The following CNBD1 variants were observed in gnomAD, a reference collection of about 807,000 sequenced individuals.
CNBD1 encodes the protein cyclic nucleotide-binding domain-containing protein 1.
Under a neutral mutation model 54.4 loss-of-function variants are expected in CNBD1, and 71 were observed. The observed-to-expected ratio is 1.30, with a 90% CI of 1.08 to 1.59. The LOEUF is 1.59. Among genes scored for constraint, CNBD1 ranks in the 40% most tolerant of loss-of-function variants. CNBD1 has a pLI of 0.00. For missense variants in CNBD1, 659 were observed against 518.0 expected, an observed-to-expected ratio of 1.27 and a Z score of -2.64; for synonymous variants, 182 against 170.7, an observed-to-expected ratio of 1.07 and a Z score of -0.51.
intron 2 of CNBD1, among the ~76,000 whole-genome samples, chr8:86,904,683 A>T (rs1808989466): frequency 6.6e-6 from 1 of 152,108 alleles, no homozygotes; most frequent in Admixed American, 6.6e-5. Flanking sequence ...ACTGCCTGCG[A>T]TTTTAACACA....
chr8:87,004,813 C>G (rs1027937393), intron 4 of CNBD1, among the ~76,000 whole-genome samples: 1 of 152,102 alleles, frequency 6.6e-6, no homozygotes, highest in Non-Finnish European at 1.5e-5. Flanking sequence ...AGCAAGGGTG[C>G]TCTTTGTAAT....
chr8:86,961,426 TG>T (rs1807926605), intron 4 of CNBD1, among the ~76,000 whole-genome samples: 1 of 152,214 alleles, frequency 6.6e-6, no homozygotes, highest in African/African-American at 2.4e-5. Context: ...CACAAAACCC[TG>T]GATACATGCA....
intron 9 of CNBD1, 113 bp downstream of exon 9, chr8:87,351,907 T>C (rs1810305338): frequency 8.9e-7 from 1 of 1,125,146 alleles, no homozygotes; most frequent in Non-Finnish European, 1.1e-6. Flanking sequence ...GTGAAATTTC[T>C]ATTCAATTTT....
intron 6 of CNBD1, among the ~76,000 whole-genome samples, chr8:87,273,241 T>C (rs1211872879): frequency 6.6e-6 from 1 of 151,968 alleles, no homozygotes; most frequent in Admixed American, 6.6e-5. Flanking sequence ...TTTTAAAATA[T>C]ATATCTGGTT....
At chr8:87,077,802 T>G (rs1030102384) in intron 4 of CNBD1, among the ~76,000 whole-genome samples, 1 of 152,136 alleles carries the variant, frequency 6.6e-6, no homozygotes, top group African/African-American at 2.4e-5. Context: ...CAGATTTTCT[T>G]AATCCAGTCT....
intron 10 of CNBD1, among the ~76,000 whole-genome samples, chr8:87,366,091 TATTA>T (rs1810635463): frequency 6.6e-6 from 1 of 152,106 alleles, no homozygotes; most frequent in Non-Finnish European, 1.5e-5. Flanking sequence ...TATATGTGTG[TATTA>T]ATTTCCTTTT....
intron 3 of CNBD1, among the ~76,000 whole-genome samples, chr8:86,935,973 C>A (rs1333018437): frequency 2.0e-5 from 3 of 151,904 alleles, no homozygotes; most frequent in Non-Finnish European, 4.4e-5. Context: ...ATGGCAAAAA[C>A]CATCTCTTAA....
intron 4 of CNBD1, among the ~76,000 whole-genome samples, chr8:87,136,936 T>TTA (rs1394919374): frequency 2.3e-4 from 13 of 57,168 alleles, no homozygotes; most frequent in Non-Finnish European, 3.5e-4. Context: ...TCTATGTAAA[T>TTA]TATATATTAT....
chr8:87,210,656 G>T (rs1037902188), intron 5 of CNBD1, among the ~76,000 whole-genome samples: 1 of 152,178 alleles, frequency 6.6e-6, no homozygotes, highest in Admixed American at 6.5e-5. Context: ...ATAAGCTTTG[G>T]TGGTTTCCAT....
chr8:87,356,040 A>G (rs1323629821), intron 10 of CNBD1, among the ~76,000 whole-genome samples: 1 of 152,014 alleles, frequency 6.6e-6, no homozygotes, highest in African/African-American at 2.4e-5. Flanking sequence ...TCCATTTTCC[A>G]CCATGAATAA....
chr8:87,213,759 T>G (rs1814151326), intron 5 of CNBD1, among the ~76,000 whole-genome samples: 1 of 152,146 alleles, frequency 6.6e-6, no homozygotes, highest in African/African-American at 2.4e-5. Context: ...TTCCCAACAA[T>G]CTCCCAAAGT....
chr8:87,243,818 A>T (rs1216533313), intron 6 of CNBD1, among the ~76,000 whole-genome samples: 1 of 152,214 alleles, frequency 6.6e-6, no homozygotes, highest in Admixed American at 6.5e-5. Context: ...ATCAAAACAA[A>T]AATACCATGA....
chr8:87,011,261 G>A (rs1433142870), intron 4 of CNBD1, among the ~76,000 whole-genome samples: 1 of 143,650 alleles, frequency 7.0e-6, no homozygotes, highest in Non-Finnish European at 1.5e-5. Flanking sequence ...TGCTTAGATT[G>A]TATCCTCTTA....
chr8:87,273,428 AG>A (rs1322484046), intron 6 of CNBD1, among the ~76,000 whole-genome samples: 1 of 151,974 alleles, frequency 6.6e-6, no homozygotes, highest in Non-Finnish European at 1.5e-5. Flanking sequence ...CTGTTGTTCC[AG>A]TCAATGCTGA....
At chr8:87,231,750 T>A (rs1218362573) in intron 5 of CNBD1, among the ~76,000 whole-genome samples, 1 of 152,166 alleles carries the variant, frequency 6.6e-6, no homozygotes, top group African/African-American at 2.4e-5. Flanking sequence ...ATTCAATATT[T>A]GTTTCTGACA....
rs184644245 is a variant in CNBD1 at position 87,099,392 on chromosome 8, T to A, written c.432-106601T>A. The stretch of plus-strand genomic sequence containing the variant: ...AACATTTTTTGGCGGGTAAATAATA[T>A]TATCTGATTTATACTTCAAAGGAAT... On this transcript the variant is annotated intron_variant, in intron 4 of 10. Coordinates refer to ENST00000518476, the MANE Select transcript of CNBD1 (RefSeq NM_173538.3). Among the ~76,000 whole-genome samples, 222 of 152,210 alleles carry A rather than the reference T, an allele frequency of 1.5e-3. 2 individuals are homozygous for A. Among genetic ancestry groups the A allele is most frequent in the African/African-American group, 5.2e-3 (216 of 41,532 alleles).
Position 87,140,473 on chromosome 8 carries a change from C to A in CNBD1, c.432-65520C>A, listed in dbSNP as rs548261831. Among the ~76,000 whole-genome samples the A allele has an allele frequency of 5.6e-3, 853 of 152,178 alleles. 2 individuals are homozygous for A. Among genetic ancestry groups the A allele is most frequent in the Non-Finnish European group, 8.5e-3 (581 of 67,974 alleles). ...TACTAATTGCTGGCAAATGATAAAACCTTCAGCTTGCAGATGACTTCTAAA... is the reference window on the plus strand; with the variant it reads ...TACTAATTGCTGGCAAATGATAAAAACTTCAGCTTGCAGATGACTTCTAAA... On this transcript the variant is annotated intron_variant, in intron 4 of 10. Coordinates refer to ENST00000518476, the MANE Select transcript of CNBD1 (RefSeq NM_173538.3).
chr8:87,266,763 C>A (rs1282781842), intron 6 of CNBD1, among the ~76,000 whole-genome samples: 1 of 151,778 alleles, frequency 6.6e-6, no homozygotes, highest in African/African-American at 2.4e-5. Flanking sequence ...CAAAAGAACT[C>A]GATGTAGAAC....
chr8:87,249,365 T>G (rs973998490), intron 6 of CNBD1, among the ~76,000 whole-genome samples: 1 of 152,148 alleles, frequency 6.6e-6, no homozygotes, highest in African/African-American at 2.4e-5. Context: ...TGCCCATTGC[T>G]TGTGCTGTGT....
Sources: allele counts gnomAD v4.1 joint callset (sites outside exome capture counted in the v4.1 genomes callset), GRCh38; gene constraint gnomAD v4.1.1; transcripts MANE v1.5; gene names NCBI Gene and HGNC (gene_info 2026-07-23, HGNC 2026-07-21).